OSBPL1A: variants seen among roughly 807,000 people sequenced by gnomAD.
OSBPL1A encodes the protein oxysterol-binding protein-related protein 1.
OSBPL1A carries 80 observed loss-of-function variants against 137.1 expected under a neutral mutation model. The observed-to-expected ratio is 0.58, with a 90% confidence interval of 0.49 to 0.70. OSBPL1A has a LOEUF of 0.70. Ranked by LOEUF, OSBPL1A falls within the 30% of genes least tolerant of loss-of-function variation. OSBPL1A has a pLI of 0.00. For synonymous variants in OSBPL1A, 365 were observed against 389.7 expected (o/e 0.94, Z 0.75); for missense variants, 970 against 1,129.4 (o/e 0.86, Z 2.02).
intron 19 of OSBPL1A, 141 bp from the exon 20 acceptor site, chr18:24,179,976 A>G: frequency 1.5e-6 from 1 of 659,118 alleles, no homozygotes; most frequent in Non-Finnish European, 2.7e-6. Flanking sequence ...ATATGGCTCT[A>G]GCAGTGGGAC....
At chr18:24,337,698 T>C (rs563185193) in intron 5 of OSBPL1A, among the ~76,000 whole-genome samples, 1 of 151,804 alleles carries the variant, frequency 6.6e-6, no homozygotes, top group South Asian at 2.1e-4. Context: ...TAGAATCTAA[T>C]CCAGGATGGG....
At chr18:24,349,136 C>T (rs1305982658) in intron 4 of OSBPL1A, among the ~76,000 whole-genome samples, 1 of 152,014 alleles carries the variant, frequency 6.6e-6, no homozygotes, top group Non-Finnish European at 1.5e-5. Flanking sequence ...TACTGCCATC[C>T]AGCCTGGGAG....
At chr18:24,277,310 CAT>C (rs1313667043) in intron 15 of OSBPL1A, among the ~76,000 whole-genome samples, 3 of 151,116 alleles carry the variant, frequency 2.0e-5, no homozygotes, top group Non-Finnish European at 3.0e-5. Flanking sequence ...AAGAAATAAA[CAT>C]AAAATTAAGT....
At chr18:24,178,320 A>C (rs1242033000) in intron 20 of OSBPL1A, 125 bp from the exon 21 acceptor site, 6 of 1,002,642 alleles carry the variant, frequency 6.0e-6, no homozygotes, top group Middle Eastern at 3.4e-4. Flanking sequence ...TTGAGACAAA[A>C]TCTTGCTCTG....
intron 21 of OSBPL1A, among the ~76,000 whole-genome samples, chr18:24,175,480 G>A (rs566948664): frequency 2.6e-5 from 4 of 152,142 alleles, no homozygotes; most frequent in Non-Finnish European, 4.4e-5. Flanking sequence ...GAGTCACTGC[G>A]CCTGACCTTA....
chr18:24,343,485 A>T (rs1019602438), intron 4 of OSBPL1A, among the ~76,000 whole-genome samples: 5 of 152,188 alleles, frequency 3.3e-5, no homozygotes, highest in Admixed American at 2.6e-4. Flanking sequence ...CCTAAAATTC[A>T]CATGGAATTT....
At chr18:24,286,314 A>C (rs2090065856) in intron 14 of OSBPL1A, among the ~76,000 whole-genome samples, 1 of 152,240 alleles carries the variant, frequency 6.6e-6, no homozygotes, top group African/African-American at 2.4e-5. Context: ...TAACTTGAAA[A>C]ATATCAAAAG....
At chr18:24,175,128 A>ATG (rs2086408637) in intron 21 of OSBPL1A, among the ~76,000 whole-genome samples, 1 of 130,448 alleles carries the variant, frequency 7.7e-6, no homozygotes, top group African/African-American at 3.3e-5. Flanking sequence ...ATATATATAT[A>ATG]TATATATACA....
At chr18:24,325,182 G>A (rs1405659874) in intron 7 of OSBPL1A, among the ~76,000 whole-genome samples, 2 of 152,054 alleles carry the variant, frequency 1.3e-5, no homozygotes, top group Non-Finnish European at 2.9e-5. Flanking sequence ...CTTGATAAAG[G>A]GTATAAACGT....
At chr18:24,354,747 GCA>G (rs1491157375) in intron 4 of OSBPL1A, among the ~76,000 whole-genome samples, 14 of 26,730 alleles carry the variant, frequency 5.2e-4, no homozygotes, top group African/African-American at 2.3e-3. Flanking sequence ...TCTCAATATA[GCA>G]AAAAAAAAAA....
intron 14 of OSBPL1A, among the ~76,000 whole-genome samples, chr18:24,282,077 C>A (rs1176871912): frequency 6.6e-6 from 1 of 151,554 alleles, no homozygotes; most frequent in Non-Finnish European, 1.5e-5. Flanking sequence ...CCACCCCCCA[C>A]TCCCAACCCT....
intron 14 of OSBPL1A, among the ~76,000 whole-genome samples, chr18:24,288,988 G>T (rs1021541793): frequency 6.6e-6 from 1 of 152,086 alleles, no homozygotes; most frequent in East Asian, 1.9e-4. Flanking sequence ...TACTTGAATG[G>T]GAGAACTGAT....
At chr18:24,236,997 C>T (rs73390386) in intron 16 of OSBPL1A, among the ~76,000 whole-genome samples, 1,958 of 152,100 alleles carry the variant, frequency 0.013, 44 homozygotes, top group African/African-American at 0.044. Context: ...TGGGCTAGAG[C>T]TTATAACACT....
chr18:24,361,564 T>C (rs1388490233), intron 4 of OSBPL1A, among the ~76,000 whole-genome samples: 1 of 152,152 alleles, frequency 6.6e-6, no homozygotes, highest in Non-Finnish European at 1.5e-5. Context: ...AATGGCCAAA[T>C]ATGTAAAGAG....
intron 15 of OSBPL1A, among the ~76,000 whole-genome samples, chr18:24,275,754 A>T (rs1397842998): frequency 6.8e-6 from 1 of 147,332 alleles, no homozygotes; most frequent in African/African-American, 2.5e-5. Context: ...CTTGAGACGG[A>T]GTCTCACTCC....
intron 1 of OSBPL1A, among the ~76,000 whole-genome samples, chr18:24,386,650 G>A (rs554892497): frequency 6.6e-6 from 1 of 152,294 alleles, no homozygotes; most frequent in South Asian, 2.1e-4. Flanking sequence ...ACCTCCTCTT[G>A]GAAATGAGTT....
intron 15 of OSBPL1A, among the ~76,000 whole-genome samples, chr18:24,249,462 GGTGA>G (rs1489244453): frequency 6.6e-6 from 1 of 152,152 alleles, no homozygotes; most frequent in African/African-American, 2.4e-5. Context: ...CCAAAAATCA[GGTGA>G]GCAATCACAG....
intron 21 of OSBPL1A, among the ~76,000 whole-genome samples, chr18:24,177,535 A>T (rs2086480896): frequency 6.6e-6 from 1 of 152,146 alleles, no homozygotes; most frequent in African/African-American, 2.4e-5. Flanking sequence ...TGTTAAAGAG[A>T]TAGGGTATCG....
At chr18:24,172,958 C>A (rs2086326568) in intron 21 of OSBPL1A, among the ~76,000 whole-genome samples, 1 of 152,126 alleles carries the variant, frequency 6.6e-6, no homozygotes, top group Non-Finnish European at 1.5e-5. Context: ...GGAATGTTCA[C>A]TGCAGCACTG....
Sources: allele counts gnomAD v4.1 joint callset (sites outside exome capture counted in the v4.1 genomes callset), GRCh38; gene constraint gnomAD v4.1.1; transcripts MANE v1.5; gene names NCBI Gene and HGNC (gene_info 2026-07-23, HGNC 2026-07-21).